The following GRM5 variants were observed in gnomAD, a reference collection of about 807,000 sequenced individuals.
GRM5 encodes the protein glutamate metabotropic receptor 5, also known as metabotropic glutamate receptor 5.
GRM5 carries 19 observed loss-of-function variants against 83.1 expected under a neutral mutation model. The observed-to-expected ratio is 0.23, with a 90% CI of 0.16 to 0.34. GRM5 has a LOEUF of 0.34. GRM5 is among the 10% of genes least tolerant of loss of function. The probability of loss-of-function intolerance (pLI) is 1.00; values close to 1 mark genes in which losing one functional copy is unlikely to be tolerated. For missense variants in GRM5, 1,160 were observed against 1,588.3 expected (o/e 0.73, Z 4.58); for synonymous variants, 675 against 633.6 (o/e 1.07, Z -0.98).
At chr11:88,860,178 T>C (rs1944538420) in intron 2 of GRM5, among the ~76,000 whole-genome samples, 1 of 152,186 alleles carries the variant, frequency 6.6e-6, no homozygotes, top group Non-Finnish European at 1.5e-5. Flanking sequence ...AAAATCACTT[T>C]TTTAATCTTC....
At chr11:88,684,582 G>A (rs1940573666) in intron 3 of GRM5, among the ~76,000 whole-genome samples, 1 of 152,164 alleles carries the variant, frequency 6.6e-6, no homozygotes, top group South Asian at 2.1e-4. Flanking sequence ...TAACTGAGGT[G>A]GAAGTGTCTG....
intron 2 of GRM5, among the ~76,000 whole-genome samples, chr11:88,947,260 A>G (rs933227283): frequency 2.0e-5 from 3 of 152,104 alleles, no homozygotes; most frequent in Admixed American, 1.3e-4. Flanking sequence ...TTGCATGTTA[A>G]TGTTTATAGA....
chr11:88,699,336 G>T (rs1300054509), intron 3 of GRM5, among the ~76,000 whole-genome samples: 2 of 152,256 alleles, frequency 1.3e-5, no homozygotes, highest in Admixed American at 6.5e-5. Context: ...AAGCAGGGTT[G>T]AGAGTTTCCA....
At chr11:88,797,490 G>A (rs1303339141) in intron 3 of GRM5, among the ~76,000 whole-genome samples, 2 of 152,130 alleles carry the variant, frequency 1.3e-5, no homozygotes, top group Non-Finnish European at 2.9e-5. Flanking sequence ...CTGAGAAAAT[G>A]CCAGATATAA....
Position 88,509,446 on chromosome 11 carries a change from G to C in GRM5, c.2785C>G (p.Leu929Val). The change falls in exon 10 of 10, where the codon CTG (leucine) becomes GTG (valine). Residue 929 changes from leucine to valine, a missense_variant. Physicochemically the swap from Leu to Val is conservative, Grantham distance 32. This residue lies in a region of GRM5 where 562 missense variants were observed against 532.4 expected (regional missense o/e 1.06). Coordinates refer to ENST00000305447, the MANE Select transcript of GRM5 (RefSeq NM_001143831.3). ...QNEKSSRGQH[L>V]WQRLSIHINK... ...ATGTGGATGGACAGGCGCTGCCACA[G>C]GTGCTGCCCCCGGCTGCTCTTCTCA... The C allele has an allele frequency of 6.2e-7, 1 of 1,612,572 alleles. No individual in the cohort carries two copies. The highest frequency in any genetic ancestry group is 8.5e-7 in the Non-Finnish European group (1 of 1,179,644).
At chr11:88,771,895 G>C (rs931408677) in intron 3 of GRM5, among the ~76,000 whole-genome samples, 1 of 152,044 alleles carries the variant, frequency 6.6e-6, no homozygotes, top group African/African-American at 2.4e-5. Flanking sequence ...GCAATCACTG[G>C]TTTGTTCTCC....
chr11:88,844,234 A>T (rs1349889357), intron 3 of GRM5, among the ~76,000 whole-genome samples: 1 of 152,106 alleles, frequency 6.6e-6, no homozygotes, highest in African/African-American at 2.4e-5. Flanking sequence ...AAGACTAGGA[A>T]ACTTATGAAT....
At chr11:88,988,567 C>T (rs1253146195) in intron 2 of GRM5, among the ~76,000 whole-genome samples, 4 of 151,294 alleles carry the variant, frequency 2.6e-5, no homozygotes, top group Admixed American at 6.6e-5. Flanking sequence ...GTCAGATTCA[C>T]CAAAGTTGAA....
chr11:88,923,243 A>T (rs544320620), intron 2 of GRM5, among the ~76,000 whole-genome samples: 1 of 152,258 alleles, frequency 6.6e-6, no homozygotes, highest in East Asian at 1.9e-4. Context: ...AGAGATACCT[A>T]GACTCCCATG....
intron 3 of GRM5, among the ~76,000 whole-genome samples, chr11:88,700,237 T>C (rs1457018770): frequency 6.6e-6 from 1 of 152,146 alleles, no homozygotes; most frequent in East Asian, 1.9e-4. Flanking sequence ...AAGATCTTTG[T>C]ATTTCATGTT....
At chr11:88,874,845 T>TAGTTTATG (rs1216963314) in intron 2 of GRM5, among the ~76,000 whole-genome samples, 1 of 151,944 alleles carries the variant, frequency 6.6e-6, no homozygotes, top group Non-Finnish European at 1.5e-5. Context: ...TACCACACTG[T>TAGTTTATG]AGTTTATGAA....
intron 2 of GRM5, among the ~76,000 whole-genome samples, chr11:88,983,175 A>G (rs560510924): frequency 1.3e-5 from 2 of 152,346 alleles, no homozygotes; most frequent in South Asian, 4.1e-4. Context: ...GTATGCTATA[A>G]CAATAACAGA....
intron 2 of GRM5, among the ~76,000 whole-genome samples, chr11:88,971,946 G>A (rs943739555): frequency 2.0e-5 from 3 of 152,048 alleles, no homozygotes; most frequent in Non-Finnish European, 2.9e-5. Flanking sequence ...AGGGGCATGT[G>A]CAAAAGACAT....
intron 2 of GRM5, among the ~76,000 whole-genome samples, chr11:88,928,778 T>C (rs866729074): frequency 2.6e-5 from 4 of 151,982 alleles, no homozygotes; most frequent in African/African-American, 9.7e-5. Context: ...AATTTATAAG[T>C]TTCTGTGTAA....
At chr11:88,589,431 A>G (rs925566755) in intron 7 of GRM5, among the ~76,000 whole-genome samples, 6 of 152,162 alleles carry the variant, frequency 3.9e-5, no homozygotes, top group African/African-American at 1.4e-4. Flanking sequence ...TAAGAAAAGG[A>G]AAAGTCTCCT....
chr11:88,555,141 C>T (rs1356137714), intron 8 of GRM5, among the ~76,000 whole-genome samples: 1 of 152,100 alleles, frequency 6.6e-6, no homozygotes, highest in African/African-American at 2.4e-5. Context: ...TCAAGTTTCT[C>T]ACTTTTAAAA....
intron 3 of GRM5, among the ~76,000 whole-genome samples, chr11:88,735,665 G>A (rs1941897075): frequency 6.6e-6 from 1 of 152,062 alleles, no homozygotes; most frequent in African/African-American, 2.4e-5. Context: ...CACTTGCATT[G>A]ACATCTGTCT....
intron 2 of GRM5, among the ~76,000 whole-genome samples, chr11:88,879,034 AAG>A (rs1191506815): frequency 1.3e-5 from 2 of 152,148 alleles, no homozygotes; most frequent in Non-Finnish European, 2.9e-5. Context: ...AAAAGCAATA[AAG>A]AGAGAATTTT....
At chr11:88,571,021 A>G (rs143737882) in intron 7 of GRM5, among the ~76,000 whole-genome samples, 1,856 of 152,272 alleles carry the variant, frequency 0.012, 73 homozygotes, top group Admixed American at 0.083. Flanking sequence ...GTTTGTATAT[A>G]GGGCAGGAAT....
Sources: allele counts gnomAD v4.1 joint callset (sites outside exome capture counted in the v4.1 genomes callset), GRCh38; gene constraint gnomAD v4.1.1; regional missense constraint gnomAD v4.1.1; transcripts MANE v1.5; gene names NCBI Gene and HGNC (gene_info 2026-07-23, HGNC 2026-07-21).